RTKN2: variants seen among roughly 807,000 people sequenced by gnomAD.
RTKN2 encodes the protein rhotekin 2.
In RTKN2, 69 loss-of-function variants were observed where a neutral mutation model predicts 71.5. That is an observed-to-expected ratio of 0.96 (90% confidence interval 0.79 to 1.18). The LOEUF (loss-of-function observed/expected upper bound fraction) is 1.18. Ranked by LOEUF, RTKN2 falls within the 50% of genes most tolerant of loss-of-function variation. The pLI, the probability that RTKN2 is intolerant of heterozygous loss-of-function variation, is 0.00. For missense variants in RTKN2, 724 were observed against 719.7 expected, an observed-to-expected ratio of 1.01 and a Z score of -0.07; for synonymous variants, 236 against 236.5, an observed-to-expected ratio of 1.00 and a Z score of 0.02.
rs563877675 is a variant in RTKN2 at position 62,194,324 on chromosome 10, A to G, written c.*3584T>C. On this transcript the variant is annotated 3_prime_UTR_variant, in exon 12 of 12. Coordinates refer to ENST00000373789, the MANE Select transcript of RTKN2 (RefSeq NM_145307.4). ...CTATTAATAGCAATGAAGCAGTTGCACACAAACATGTAAACATATGTAAAC... is the reference window on the plus strand; with the variant it reads ...CTATTAATAGCAATGAAGCAGTTGCGCACAAACATGTAAACATATGTAAAC... 34 of 984,604 alleles carry G rather than the reference A, an allele frequency of 3.5e-5. No homozygotes were observed. The South Asian group carries it at 1.4e-3, about 41-fold the overall frequency. The allele number at this position is 984,604 out of a possible 1,614,324, so 61.0% of individuals were successfully genotyped here.
chr10:62,211,655 A>T (rs534269191), intron 9 of RTKN2, among the ~76,000 whole-genome samples: 103 of 152,288 alleles, frequency 6.8e-4, no homozygotes, highest in African/African-American at 2.3e-3. Flanking sequence ...AAAAACTAAA[A>T]GAGAAACACT....
intron 9 of RTKN2, among the ~76,000 whole-genome samples, chr10:62,209,659 T>G (rs1420208668): frequency 1.3e-5 from 2 of 152,114 alleles, no homozygotes; most frequent in Non-Finnish European, 2.9e-5. Context: ...TGTTACCCTC[T>G]ATATGTCCAT....
rs1841397699 is a variant in RTKN2 at position 62,199,573 on chromosome 10, A to G, written c.1294+181T>C. 2.0e-5 allele frequency among the ~76,000 whole-genome samples: 3 copies of G among 152,140 alleles called. 1 individual carries two copies. In the South Asian group the frequency reaches 6.2e-4, roughly 32 times the overall value. On this transcript the variant is annotated intron_variant, in intron 11 of 11. Coordinates refer to ENST00000373789, the MANE Select transcript of RTKN2 (RefSeq NM_145307.4). ...TCAGACTATGAAAAAACGTGTATTC[A>G]TTATTTTGTATTAATTCATCTATTA...
rs150555982 is a variant in RTKN2, at chr10:62,205,575, G to A, written c.1021-553C>T. Among the ~76,000 whole-genome samples, 452 of 152,110 alleles carry A rather than the reference G, an allele frequency of 3.0e-3. 1 individual carries two copies. The highest frequency in any genetic ancestry group is 5.0e-3 in the Non-Finnish European group (340 of 67,974). ...CATTAACATTTATTTTGTACGTAAC[G>A]TTCATTTACAAAGTTCATAGCTAAA... On this transcript the variant is annotated intron_variant, in intron 9 of 11. Transcript: ENST00000373789.
intron 9 of RTKN2, among the ~76,000 whole-genome samples, chr10:62,216,436 A>G (rs1042834281): frequency 3.9e-5 from 6 of 152,046 alleles, no homozygotes; most frequent in Non-Finnish European, 8.8e-5. Context: ...TCTAATCAAC[A>G]CTAGACTTGA....
At position 62,218,290 on chromosome 10, in the gene RTKN2, A is replaced by G. The variant is rs747079677; in HGVS notation, c.793T>C (p.Phe265Leu). 1 of 1,606,502 alleles carries G rather than the reference A, an allele frequency of 6.2e-7. No homozygotes were observed. The highest frequency in any genetic ancestry group is 8.5e-7 in the Non-Finnish European group (1 of 1,175,428). ...LSINGNEESS[F>L]WLPLYGNMCC... ...ATGTTGCCATACAGGGGAAGCCAAA[A>G]TGAAGACTCCTCTATTTAAAGGAGA... is the stretch of plus-strand genomic sequence containing the variant. The change falls in exon 8 of 12, where the codon TTT (phenylalanine) becomes CTT (leucine). Residue 265 changes from phenylalanine to leucine, a missense_variant. Phe to Leu is a conservative substitution (Grantham distance 22, BLOSUM62 0). Coordinates refer to ENST00000373789, the MANE Select transcript of RTKN2 (RefSeq NM_145307.4).
intron 6 of RTKN2, among the ~76,000 whole-genome samples, chr10:62,227,053 G>A (rs1842040499): frequency 6.6e-6 from 1 of 152,154 alleles, no homozygotes; most frequent in African/African-American, 2.4e-5. Flanking sequence ...AGCACTTTAG[G>A]GCAGAATATG....
intron 7 of RTKN2, among the ~76,000 whole-genome samples, chr10:62,221,832 A>G (rs977903789): frequency 5.9e-5 from 9 of 152,184 alleles, no homozygotes; most frequent in Non-Finnish European, 1.3e-4. Flanking sequence ...CAGAAAGCAA[A>G]TATCAGAATG....
At chr10:62,219,431 T>C (rs961827758) in intron 7 of RTKN2, among the ~76,000 whole-genome samples, 1 of 152,180 alleles carries the variant, frequency 6.6e-6, no homozygotes, top group African/African-American at 2.4e-5. Context: ...TGATTCTGCA[T>C]TGTATCCCTC....
chr10:62,215,266 T>G (rs968263362), intron 9 of RTKN2, among the ~76,000 whole-genome samples: 17 of 152,018 alleles, frequency 1.1e-4, no homozygotes, highest in African/African-American at 4.1e-4. Flanking sequence ...TTAAGCTGAA[T>G]CTAGTGAAAT....
At chr10:62,264,651 G>A (rs1842836825) in intron 1 of RTKN2, among the ~76,000 whole-genome samples, 1 of 152,126 alleles carries the variant, frequency 6.6e-6, no homozygotes, top group African/African-American at 2.4e-5. Context: ...AATACCATCT[G>A]GTGCCACTAA....
rs113027902 is a variant in RTKN2, at chr10:62,184,982, T to C, written c.862-595A>G. On this transcript the variant is annotated intron_variant, in intron 8 of 8. Transcript: ENST00000315289. ...CCAAAGTTAACAGGTAAACCACTAA[T>C]TGGTAAGCGGTCACTCCAGGGCCCC... Among the ~76,000 whole-genome samples, 1,228 of 152,280 alleles carry C rather than the reference T, an allele frequency of 8.1e-3. 14 individuals carry two copies. Among genetic ancestry groups the C allele is most frequent in the African/African-American group, 0.027 (1,109 of 41,548 alleles).
intron 3 of RTKN2, among the ~76,000 whole-genome samples, chr10:62,242,611 C>T (rs896397388): frequency 2.3e-5 from 3 of 132,048 alleles, no homozygotes; most frequent in African/African-American, 7.8e-5. Flanking sequence ...TGTAAGTCTA[C>T]AATCTATTAC....
chr10:62,192,605 T>G (rs1841240141), downstream of RTKN2, among the ~76,000 whole-genome samples: 1 of 152,220 alleles, frequency 6.6e-6, no homozygotes, highest in African/African-American at 2.4e-5. Flanking sequence ...CAAAGCACTT[T>G]CTTCAATTGG....
At chr10:62,216,905 T>C (rs900707749) in intron 9 of RTKN2, among the ~76,000 whole-genome samples, 3 of 152,150 alleles carry the variant, frequency 2.0e-5, no homozygotes, top group African/African-American at 7.2e-5. Flanking sequence ...CTGGTATAGA[T>C]GTCCATTACT....
intron 1 of RTKN2, among the ~76,000 whole-genome samples, chr10:62,266,798 G>C (rs1234813946): frequency 6.6e-6 from 1 of 152,202 alleles, no homozygotes; most frequent in Non-Finnish European, 1.5e-5. Context: ...TCCAACAGCT[G>C]TCTGGGATAG....
At chr10:62,263,635 A>G (rs1224705301) in intron 1 of RTKN2, among the ~76,000 whole-genome samples, 5 of 152,244 alleles carry the variant, frequency 3.3e-5, no homozygotes, top group African/African-American at 1.2e-4. Context: ...GATACTGAGT[A>G]AAGGAGCCAA....
At chr10:62,221,800 G>A (rs191492357) in intron 7 of RTKN2, among the ~76,000 whole-genome samples, 1 of 151,924 alleles carries the variant, frequency 6.6e-6, no homozygotes, top group Non-Finnish European at 1.5e-5. Flanking sequence ...ACAAGAATGA[G>A]AATTAAAAAA....
At chr10:62,233,237 T>G (rs1405884316) in intron 6 of RTKN2, among the ~76,000 whole-genome samples, 2 of 152,180 alleles carry the variant, frequency 1.3e-5, no homozygotes, top group Non-Finnish European at 2.9e-5. Context: ...ACTTAAAAAA[T>G]GTAAAACTTA....
Sources: allele counts gnomAD v4.1 joint callset (sites outside exome capture counted in the v4.1 genomes callset), GRCh38; gene constraint gnomAD v4.1.1; transcripts MANE v1.5; gene names NCBI Gene and HGNC (gene_info 2026-07-23, HGNC 2026-07-21).